The following CDH4 variants were observed in gnomAD, a reference collection of about 807,000 sequenced individuals.
CDH4 encodes cadherin-4.
Under a neutral mutation model 86.0 loss-of-function variants are expected in CDH4, and 33 were observed. The observed-to-expected ratio is 0.38, with a 90% CI of 0.29 to 0.51. CDH4 has a LOEUF of 0.51. Among genes scored for constraint, CDH4 ranks in the 20% least tolerant of loss-of-function variants. The pLI, the probability that CDH4 is intolerant of heterozygous loss-of-function variation, is 0.86. For missense variants in CDH4, 1,114 were observed against 1,307.4 expected (o/e 0.85, Z 2.28); for synonymous variants, 555 against 549.4 (o/e 1.01, Z -0.14).
At chr20:61,723,917 C>T (rs1158465345) in intron 2 of CDH4, among the ~76,000 whole-genome samples, 4 of 147,688 alleles carry the variant, frequency 2.7e-5, no homozygotes, top group Non-Finnish European at 4.5e-5. Flanking sequence ...AGGATGGAGG[C>T]TCCATGTGGC....
chr20:61,719,191 T>C (rs1172615324), intron 2 of CDH4: 1 of 257,498 alleles, frequency 3.9e-6, no homozygotes. Flanking sequence ...TAATCAGAGA[T>C]TTTTTTTTTT....
chr20:61,257,091 C>T (rs2084102724), intron 2 of CDH4, among the ~76,000 whole-genome samples: 2 of 152,178 alleles, frequency 1.3e-5, no homozygotes, highest in African/African-American at 4.8e-5. Context: ...TCAAGTTAAA[C>T]AGATAATGAC....
intron 2 of CDH4, chr20:61,718,938 G>A (rs1330801110): frequency 2.1e-6 from 1 of 471,060 alleles, no homozygotes; most frequent in Non-Finnish European, 4.4e-6. Context: ...TTGGTTAGTG[G>A]GTGAAGCAGG....
chr20:61,796,610 C>T (rs1246374484), intron 4 of CDH4, among the ~76,000 whole-genome samples: 1 of 152,202 alleles, frequency 6.6e-6, no homozygotes. Flanking sequence ...TATTTCTCTG[C>T]TTGGCCACCC....
chr20:61,617,074 A>G (rs1005042940), intron 2 of CDH4, among the ~76,000 whole-genome samples: 19 of 152,280 alleles, frequency 1.2e-4, no homozygotes, highest in East Asian at 7.7e-4. Context: ...ACTTGGAAGA[A>G]CTGGCACTTG....
chr20:61,299,147 A>G (rs557762660), intron 2 of CDH4, among the ~76,000 whole-genome samples: 2 of 152,318 alleles, frequency 1.3e-5, no homozygotes, highest in Admixed American at 1.3e-4. Flanking sequence ...CCTAAATCCA[A>G]AGACCCGTGC....
At chr20:61,463,415 C>T (rs1401752734) in intron 2 of CDH4, among the ~76,000 whole-genome samples, 1 of 152,076 alleles carries the variant, frequency 6.6e-6, no homozygotes, top group African/African-American at 2.4e-5. Flanking sequence ...GAGGTGAGGC[C>T]CCATGTACAA....
chr20:61,901,821 T>C (rs1289318038), intron 8 of CDH4, among the ~76,000 whole-genome samples: 1 of 152,200 alleles, frequency 6.6e-6, no homozygotes, highest in Admixed American at 6.5e-5. Flanking sequence ...TTTCCGCTCA[T>C]TCAGACCTGC....
At chr20:61,916,807 C>T (rs373026945) in intron 9 of CDH4, among the ~76,000 whole-genome samples, 1 of 152,236 alleles carries the variant, frequency 6.6e-6, no homozygotes, top group Non-Finnish European at 1.5e-5. Context: ...CTGGAAGCCC[C>T]AAATCCAGCA....
At chr20:61,765,915 C>T (rs1033074065) in intron 3 of CDH4, among the ~76,000 whole-genome samples, 2 of 152,100 alleles carry the variant, frequency 1.3e-5, no homozygotes, top group Non-Finnish European at 2.9e-5. Flanking sequence ...GGAGCAGTCA[C>T]CTGGCCAGGT....
At chr20:61,433,692 C>T (rs1461736896) in intron 2 of CDH4, among the ~76,000 whole-genome samples, 5 of 152,076 alleles carry the variant, frequency 3.3e-5, no homozygotes, top group East Asian at 1.9e-4. Flanking sequence ...AGAGTGGTGG[C>T]GCATGTGCCC....
intron 4 of CDH4, among the ~76,000 whole-genome samples, chr20:61,794,338 C>A (rs976490406): frequency 2.0e-5 from 3 of 151,994 alleles, no homozygotes; most frequent in African/African-American, 7.3e-5. Context: ...TATCAAGACA[C>A]CCGCCTGGGG....
intron 6 of CDH4, among the ~76,000 whole-genome samples, chr20:61,868,946 C>T (rs1357296292): frequency 1.3e-5 from 2 of 152,148 alleles, no homozygotes; most frequent in Non-Finnish European, 2.9e-5. Flanking sequence ...GTGGTGGACA[C>T]ACACAAAGCC....
chr20:61,255,821 C>T lies in CDH4; in HGVS notation c.169+884C>T, dbSNP rs568814270. 3.9e-5 allele frequency among the ~76,000 whole-genome samples: 6 copies of T among 152,290 alleles called. No homozygotes were observed. In the East Asian group the frequency reaches 9.7e-4, roughly 25 times the overall value. On this transcript the variant is annotated intron_variant, in intron 2 of 15. Transcript: ENST00000614565. ...GTGTGTGCATGCATGTGCGTGAACTCGCTCACGCTTATAGTGAAGTGATTT... is the reference window on the plus strand; with the variant it reads ...GTGTGTGCATGCATGTGCGTGAACTTGCTCACGCTTATAGTGAAGTGATTT...
At chr20:61,683,682 T>C (rs964734375) in intron 2 of CDH4, among the ~76,000 whole-genome samples, 1 of 152,222 alleles carries the variant, frequency 6.6e-6, no homozygotes, top group African/African-American at 2.4e-5. Flanking sequence ...TCAGGTCAAA[T>C]ATGAAAATGT....
At chr20:61,447,328 T>C (rs1363471101) in intron 2 of CDH4, among the ~76,000 whole-genome samples, 1 of 149,064 alleles carries the variant, frequency 6.7e-6, no homozygotes, top group Admixed American at 6.7e-5. Flanking sequence ...AGCTGATTTT[T>C]TTTTTTTTTT....
At chr20:61,464,572 C>T (rs1450536132) in intron 2 of CDH4, among the ~76,000 whole-genome samples, 1 of 152,212 alleles carries the variant, frequency 6.6e-6, no homozygotes, top group Non-Finnish European at 1.5e-5. Context: ...GTGACTAATA[C>T]TAGAGAAGGT....
intron 7 of CDH4, among the ~76,000 whole-genome samples, chr20:61,877,852 G>A (rs372759825): frequency 8.5e-5 from 13 of 152,278 alleles, no homozygotes; most frequent in African/African-American, 2.9e-4. Flanking sequence ...CTGGACTTTG[G>A]GGCCATGACC....
intron 4 of CDH4, among the ~76,000 whole-genome samples, chr20:61,823,164 A>G (rs1981131534): frequency 8.5e-6 from 1 of 117,446 alleles, no homozygotes; most frequent in Non-Finnish European, 1.8e-5. Context: ...AGGCCCACTC[A>G]CACTGTTGAG....
Sources: gnomAD v4.1 joint callset for allele counts (sites outside exome capture counted in the v4.1 genomes callset) on GRCh38, gnomAD v4.1.1 for gene constraint, MANE v1.5 for transcripts, NCBI Gene and HGNC (gene_info 2026-07-23, HGNC 2026-07-21) for gene names.